Variants in ZFHX3 observed in about 807,000 individuals in gnomAD.
The protein encoded by ZFHX3 is zinc finger homeobox 3.
ZFHX3 carries 42 observed loss-of-function variants against 279.1 expected under a neutral mutation model. The ratio of observed to expected loss-of-function variants is 0.15; its 90% CI spans 0.12 to 0.19. The LOEUF (loss-of-function observed/expected upper bound fraction) is 0.19. ZFHX3 is among the 10% of genes least tolerant of loss of function. ZFHX3 has a pLI of 1.00. For synonymous variants in ZFHX3, 2,293 were observed against 1,957.8 expected, an observed-to-expected ratio of 1.17 and a Z score of -4.52; for missense variants, 4,981 against 4,754.0, an observed-to-expected ratio of 1.05 and a Z score of -1.40.
intron 4 of ZFHX3, among the ~76,000 whole-genome samples, chr16:73,312,028 T>C (rs6564632): frequency 0.79 from 119,453 of 152,048 alleles, 47,323 homozygotes; most frequent in African/African-American, 0.87. Flanking sequence ...GTGGGGCACT[T>C]ATCTGGACTG....
intron 1 of ZFHX3, among the ~76,000 whole-genome samples, chr16:73,814,102 G>T (rs1960497654): frequency 6.6e-6 from 1 of 152,148 alleles, no homozygotes; most frequent in South Asian, 2.1e-4. Context: ...GTATATAATT[G>T]CAGAGAGAGC....
Position 72,957,809 on chromosome 16 carries a change from C to A in ZFHX3, c.2337G>T (p.Ala779=), listed in dbSNP as rs991582949. 6.3e-7 allele frequency: 1 copy of A among 1,589,976 alleles called. No homozygotes were observed. Among genetic ancestry groups the A allele is most frequent in the Non-Finnish European group, 8.6e-7 (1 of 1,162,756 alleles). The change falls in exon 2 of 10, where the codon GCG becomes GCT. Residue 779 remains alanine (A), a synonymous_variant. Transcript: ENST00000268489. The stretch of plus-strand genomic sequence containing the variant: ...TACTGATATTGGCTGCCGCCGCCGC[C>A]GCAGCCACCGCCGCCGCCGCCGCCC... ...TAGAAAAAVA[A]AAAAANISSS...
rs140334775 is a variant in ZFHX3, at chr16:73,577,750, A to T, written c.-1547+102430T>A. ...CTAAATTTTTTGGAAGAAATTCATG[A>T]TTTAAATGGTAGTCAGCTTGTTTTC... On this transcript the variant is annotated intron_variant, in intron 2 of 17. Transcript: ENST00000641206. 4.8e-3 allele frequency among the ~76,000 whole-genome samples: 727 copies of T among 152,350 alleles called. 6 individuals are homozygous for T. Among genetic ancestry groups the T allele is most frequent in the African/African-American group, 0.015 (637 of 41,584 alleles).
intron 3 of ZFHX3, among the ~76,000 whole-genome samples, chr16:72,915,406 G>A (rs756180479): frequency 3.3e-5 from 5 of 152,122 alleles, no homozygotes; most frequent in Non-Finnish European, 5.9e-5. Context: ...CGGGATCAGC[G>A]TGGCGGGCCT....
intron 1 of ZFHX3, among the ~76,000 whole-genome samples, chr16:73,697,714 T>G (rs2053210521): frequency 6.6e-6 from 1 of 152,088 alleles, no homozygotes; most frequent in African/African-American, 2.4e-5. Context: ...GTCTACCTAC[T>G]AATTGTCTTC....
chr16:73,170,046 T>C (rs1171548147), intron 5 of ZFHX3, among the ~76,000 whole-genome samples: 2 of 152,036 alleles, frequency 1.3e-5, no homozygotes, highest in African/African-American at 4.8e-5. Context: ...ATCCATTCTG[T>C]TCAATACTCA....
chr16:73,061,258 C>T (rs1191002189), upstream of ZFHX3: 7 of 151,974 alleles, frequency 4.6e-5, no homozygotes, highest in African/African-American at 2.4e-5. Context: ...TTTTTTTTGT[C>T]CCCTGCACAA....
At chr16:73,376,166 T>C (rs2016719509) in intron 3 of ZFHX3, among the ~76,000 whole-genome samples, 3 of 152,216 alleles carry the variant, frequency 2.0e-5, no homozygotes, top group African/African-American at 7.2e-5. Flanking sequence ...TACAGACAGC[T>C]GCCTTTTTAT....
Position 72,797,527 on chromosome 16 carries a change from T to C in ZFHX3, c.5155A>G (p.Ile1719Val). ...TGTTGTTGCTGCTGCCTGGATGCAA[T>C]CATATCTGCCAGTTTCTTCCGATTG... ...EANRKKLADM[I>V]ASRQQQQQQQ... Residue 1719 changes from isoleucine to valine, a missense_variant, in exon 9 of 10, where the codon ATT becomes GTT. Coordinates refer to ENST00000268489, the MANE Select transcript of ZFHX3 (RefSeq NM_006885.4). 1.2e-6 allele frequency: 2 copies of C among 1,613,964 alleles called. No homozygotes were observed. The highest frequency in any genetic ancestry group is 1.7e-6 in the Non-Finnish European group (2 of 1,179,950).
chr16:72,919,353 G>A (rs1464739279), intron 3 of ZFHX3, among the ~76,000 whole-genome samples: 1 of 151,930 alleles, frequency 6.6e-6, no homozygotes, highest in Non-Finnish European at 1.5e-5. Flanking sequence ...AGAGATGGGG[G>A]TTTCACCATG....
Position 72,797,458 on chromosome 16 carries a change from CTTGTTGTTGTTGTTGTTG to C in ZFHX3, c.5206_5223del (p.Gln1736_Gln1741del), listed in dbSNP as rs34918837. On this transcript the variant is annotated inframe_deletion, in exon 9 of 10. Coordinates refer to ENST00000268489, the MANE Select transcript of ZFHX3 (RefSeq NM_006885.4). ...GCCTGGGCCTGGGCCAGCGTTTGTG[CTTGTTGTTGTTGTTGTTG>C]TTGTTGTTGTTGCTGTTGCTGCTGC... 4.1e-5 allele frequency: 66 copies of C among 1,605,900 alleles called. No homozygotes were observed. The highest frequency in any genetic ancestry group is 5.0e-5 in the Non-Finnish European group (59 of 1,174,120).
At chr16:73,382,657 A>G (rs956340867) in intron 3 of ZFHX3, among the ~76,000 whole-genome samples, 6 of 152,346 alleles carry the variant, frequency 3.9e-5, no homozygotes, top group African/African-American at 1.4e-4. Context: ...TAGATGTTCA[A>G]TAAATGTAGG....
intron 1 of ZFHX3, among the ~76,000 whole-genome samples, chr16:73,879,838 C>T (rs1486283910): frequency 6.6e-6 from 1 of 152,064 alleles, no homozygotes; most frequent in Non-Finnish European, 1.5e-5. Context: ...CACACACACA[C>T]ACAGTTAAAG....
At chr16:73,108,978 A>C (rs1966338193) in intron 7 of ZFHX3, among the ~76,000 whole-genome samples, 1 of 139,166 alleles carries the variant, frequency 7.2e-6, no homozygotes. Context: ...GGTGCGGCTA[A>C]CAAGCTGATA....
chr16:73,263,832 G>A (rs2013891377), intron 4 of ZFHX3, among the ~76,000 whole-genome samples: 2 of 152,168 alleles, frequency 1.3e-5, no homozygotes, highest in East Asian at 1.9e-4. Flanking sequence ...GGCACTGGCT[G>A]GAAGGTGCTA....
At chr16:73,507,111 G>A (rs1048122103) in intron 2 of ZFHX3, among the ~76,000 whole-genome samples, 7 of 152,144 alleles carry the variant, frequency 4.6e-5, no homozygotes, top group Admixed American at 2.0e-4. Context: ...GTTTTAGCAA[G>A]GCTTTTTGTC....
Position 72,958,231 on chromosome 16 carries a change from C to T in ZFHX3, c.1915G>A (p.Gly639Ser). The T allele has an allele frequency of 6.2e-7, 1 of 1,612,536 alleles. No individual in the cohort carries two copies. The part of the protein sequence containing the change: ...LGVGECPSGS[G>S]VECPKCDTVL... ...GTGTCGCATTTGGGGCACTCCACGC[C>T]ACTCCCCGAGGGGCACTCCCCAACC... The change falls in exon 2 of 10, where the codon GGC (glycine) becomes AGC (serine). Residue 639 changes from glycine to serine, a missense_variant. Physicochemically the swap from Gly to Ser is moderately conservative, Grantham distance 56. Transcript: ENST00000268489.
In ZFHX3 at chr16:73,404,600, T is replaced by C. The variant is rs1178482387; in HGVS notation, c.-1291+51403A>G. The stretch of plus-strand genomic sequence containing the variant: ...TTGTTGTTGGTATCATTATTGTTAA[T>C]AGATGCCATCTGTTGATACTTCACA... On this transcript the variant is annotated intron_variant, in intron 3 of 17. Transcript: ENST00000641206. 3.9e-5 allele frequency among the ~76,000 whole-genome samples: 6 copies of C among 152,366 alleles called. No individual in the cohort carries two copies. The East Asian group carries it at 1.2e-3, about 29-fold the overall frequency.
At chr16:73,202,627 G>A (rs186981209) in intron 5 of ZFHX3, among the ~76,000 whole-genome samples, 75 of 152,322 alleles carry the variant, frequency 4.9e-4, no homozygotes, top group African/African-American at 1.7e-3. Context: ...GCAGGAAGAT[G>A]GACTTCGGCC....
Sources: allele counts gnomAD v4.1 joint callset (sites outside exome capture counted in the v4.1 genomes callset), GRCh38; gene constraint gnomAD v4.1.1; transcripts MANE v1.5; gene names NCBI Gene and HGNC (gene_info 2026-07-23, HGNC 2026-07-21).